The following RBFOX1 variants were observed in gnomAD, a reference collection of about 807,000 sequenced individuals.
RBFOX1 encodes the protein RNA binding fox-1 homolog 1.
A neutral mutation model predicts 57.7 loss-of-function variants in RBFOX1; 8 were observed. That is an observed-to-expected ratio of 0.14 (90% CI 0.08 to 0.25). The LOEUF (loss-of-function observed/expected upper bound fraction) is 0.25, where lower values mean the gene tolerates loss of function less well. Among genes scored for constraint, RBFOX1 ranks in the 10% least tolerant of loss-of-function variants. RBFOX1 has a pLI of 1.00. For synonymous variants in RBFOX1, 326 were observed against 222.4 expected, an observed-to-expected ratio of 1.47 and a Z score of -4.15; for missense variants, 611 against 548.5, an observed-to-expected ratio of 1.11 and a Z score of -1.14.
intron 14 of RBFOX1, among the ~76,000 whole-genome samples, chr16:7,686,038 T>C (rs2075990815): frequency 6.6e-6 from 1 of 152,068 alleles, no homozygotes; most frequent in African/African-American, 2.4e-5. Flanking sequence ...GTGGGATTAA[T>C]GGATGACCAT....
At chr16:6,441,278 C>A (rs531798047) in intron 2 of RBFOX1, among the ~76,000 whole-genome samples, 6 of 152,260 alleles carry the variant, frequency 3.9e-5, no homozygotes, top group East Asian at 1.9e-4. Context: ...CTCTGGGGAA[C>A]AAATAGGACC....
chr16:6,020,007 A>G lies in RBFOX1; in HGVS notation c.-127+15A>G. 6.6e-7 allele frequency: 1 copy of G among 1,509,924 alleles called. No individual in the cohort carries two copies. The highest frequency in any genetic ancestry group is 8.9e-7 in the Non-Finnish European group (1 of 1,129,288). 93.5% of individuals were successfully genotyped at this position (1,509,924 alleles called of 1,614,324 possible). The stretch of plus-strand genomic sequence containing the variant: ...GGGAGTTCTAGGTAAGTCCAGGCGG[A>G]GTCATTGCCTCTGCACCCACCCTGA... On this transcript the variant is annotated intron_variant, in intron 1 of 15. Coordinates refer to ENST00000550418, the MANE Select transcript of RBFOX1 (RefSeq NM_018723.4).
chr16:5,520,931 T>C (rs1005894708), intron 2 of RBFOX1, among the ~76,000 whole-genome samples: 23 of 152,158 alleles, frequency 1.5e-4, no homozygotes, highest in African/African-American at 5.3e-4. Flanking sequence ...GGAGTGAAGT[T>C]ACACGAGGAG....
At chr16:6,145,181 A>G (rs1277840940) in intron 1 of RBFOX1, among the ~76,000 whole-genome samples, 2 of 151,898 alleles carry the variant, frequency 1.3e-5, no homozygotes, top group African/African-American at 4.8e-5. Flanking sequence ...ATCCTCTCCC[A>G]TTTCCCACCC....
At chr16:7,402,118 G>A (rs1361833720) in intron 4 of RBFOX1, among the ~76,000 whole-genome samples, 4 of 152,160 alleles carry the variant, frequency 2.6e-5, no homozygotes, top group Non-Finnish European at 5.9e-5. Context: ...TTAAAATATA[G>A]AATGGATTTT....
At chr16:6,690,752 T>C (rs1480467601) in intron 3 of RBFOX1, among the ~76,000 whole-genome samples, 2 of 53,602 alleles carry the variant, frequency 3.7e-5, no homozygotes, top group Non-Finnish European at 3.5e-5. Flanking sequence ...TTTCTTTTCT[T>C]TCTTTCTTTT....
intron 1 of RBFOX1, among the ~76,000 whole-genome samples, chr16:6,063,329 G>C (rs2095712710): frequency 6.6e-6 from 1 of 152,036 alleles, no homozygotes; most frequent in South Asian, 2.1e-4. Flanking sequence ...TCATGATGAG[G>C]GGAACAGGGA....
chr16:7,548,245 C>T (rs998152710), intron 5 of RBFOX1, among the ~76,000 whole-genome samples: 10 of 152,138 alleles, frequency 6.6e-5, no homozygotes, highest in Admixed American at 2.0e-4. Flanking sequence ...GATCTTGGCT[C>T]ACTGCAATCT....
At chr16:6,848,068 G>A (rs1382691903) in intron 3 of RBFOX1, among the ~76,000 whole-genome samples, 2 of 152,016 alleles carry the variant, frequency 1.3e-5, no homozygotes, top group Admixed American at 1.3e-4. Context: ...CTGACCTCAA[G>A]TGATCCACCC....
intron 3 of RBFOX1, among the ~76,000 whole-genome samples, chr16:6,942,736 C>T (rs959011923): frequency 6.6e-6 from 1 of 152,150 alleles, no homozygotes; most frequent in African/African-American, 2.4e-5. Context: ...TAGAGACTCT[C>T]TTGAGAGACA....
intron 2 of RBFOX1, among the ~76,000 whole-genome samples, chr16:5,560,756 C>T (rs1329581151): frequency 6.6e-6 from 1 of 152,192 alleles, no homozygotes; most frequent in Non-Finnish European, 1.5e-5. Flanking sequence ...CTTCTCTGGA[C>T]AAGATACCTA....
At chr16:5,847,272 C>A (rs1197803420) in intron 3 of RBFOX1, among the ~76,000 whole-genome samples, 1 of 151,050 alleles carries the variant, frequency 6.6e-6, no homozygotes, top group South Asian at 2.1e-4. Flanking sequence ...TAGTTGGGAA[C>A]ATGCAGGACT....
At chr16:5,541,914 T>G (rs2044970752) in intron 2 of RBFOX1, among the ~76,000 whole-genome samples, 1 of 152,184 alleles carries the variant, frequency 6.6e-6, no homozygotes, top group Admixed American at 6.5e-5. Flanking sequence ...TTTCAGTAGT[T>G]TTTTGGGAAC....
Position 5,279,605 on chromosome 16 carries a change from G to A in RBFOX1, c.219+39500G>A, listed in dbSNP as rs753226629. Among the ~76,000 whole-genome samples the A allele has an allele frequency of 8.5e-5, 13 of 152,190 alleles. 2 individuals carry two copies. The Middle Eastern group carries it at 0.02, about 239-fold the overall frequency. On this transcript the variant is annotated intron_variant, in intron 1 of 2. Transcript: ENST00000585867. Reference sequence around the variant, plus strand: ...CAACCTCCGCCTCTCGGGTTCAAGCGATTCTCCTGCTTCAGCCTCCCAAGT... The same window carrying A: ...CAACCTCCGCCTCTCGGGTTCAAGCAATTCTCCTGCTTCAGCCTCCCAAGT...
At chr16:5,467,169 GT>G (rs2068977207) in intron 1 of RBFOX1, 25 of 1,302,536 alleles carry the variant, frequency 1.9e-5, no homozygotes, top group Non-Finnish European at 2.5e-5. Context: ...TAGACTCAAT[GT>G]TTCTTCTCTC....
chr16:7,357,166 G>A (rs1207476744), intron 4 of RBFOX1, among the ~76,000 whole-genome samples: 1 of 151,684 alleles, frequency 6.6e-6, no homozygotes, highest in Non-Finnish European at 1.5e-5. Flanking sequence ...AGGAACACAA[G>A]GATTTTGAAT....
chr16:5,678,482 G>C (rs2050232273), intron 3 of RBFOX1, among the ~76,000 whole-genome samples: 1 of 152,182 alleles, frequency 6.6e-6, no homozygotes, highest in East Asian at 1.9e-4. Context: ...ATGTGCAAGC[G>C]GGTAGGGCAA....
intron 3 of RBFOX1, among the ~76,000 whole-genome samples, chr16:6,762,221 A>G (rs1046137456): frequency 6.6e-6 from 1 of 152,198 alleles, no homozygotes; most frequent in Admixed American, 6.5e-5. Context: ...TAACTAAATA[A>G]TTGCAAATAA....
At chr16:5,952,860 G>C (rs2059548749) in intron 4 of RBFOX1, among the ~76,000 whole-genome samples, 1 of 152,034 alleles carries the variant, frequency 6.6e-6, no homozygotes, top group South Asian at 2.1e-4. Flanking sequence ...AAAAATCCAG[G>C]GTTATCAGAC....
Sources: allele counts gnomAD v4.1 joint callset (sites outside exome capture counted in the v4.1 genomes callset), GRCh38; gene constraint gnomAD v4.1.1; transcripts MANE v1.5; gene names NCBI Gene and HGNC (gene_info 2026-07-23, HGNC 2026-07-21).